The following GLYATL1 variants were observed in gnomAD, a reference collection of about 807,000 sequenced individuals.
The protein encoded by GLYATL1 is glycine-N-acyltransferase like 1.
Under a neutral mutation model 20.0 loss-of-function variants are expected in GLYATL1, and 15 were observed. The ratio of observed to expected loss-of-function variants is 0.75; its 90% confidence interval spans 0.50 to 1.15. The LOEUF (loss-of-function observed/expected upper bound fraction) is 1.15. Among genes scored for constraint, GLYATL1 ranks in the 50% most tolerant of loss-of-function variants. The pLI is 0.00. For missense variants in GLYATL1, 380 were observed against 368.5 expected, an observed-to-expected ratio of 1.03 and a Z score of -0.26; for synonymous variants, 151 against 131.5, an observed-to-expected ratio of 1.15 and a Z score of -1.01.
chr11:58,944,807 A>G (rs1856448465), intron 2 of GLYATL1, among the ~76,000 whole-genome samples: 2 of 152,092 alleles, frequency 1.3e-5, no homozygotes, highest in South Asian at 4.1e-4. Flanking sequence ...TTTAGTGGAC[A>G]TTAAACTTAT....
intron 1 of GLYATL1, among the ~76,000 whole-genome samples, chr11:58,914,094 G>C (rs1855112177): frequency 6.6e-6 from 1 of 152,142 alleles, no homozygotes; most frequent in Admixed American, 6.5e-5. Flanking sequence ...GAAACACAAG[G>C]TTTGGTTCTG....
upstream of GLYATL1, chr11:58,927,644 C>T (rs1855459624): frequency 6.6e-6 from 1 of 152,134 alleles, no homozygotes; most frequent in African/African-American, 2.4e-5. Flanking sequence ...TTTCTCACTG[C>T]TTGCTTGGCA....
chr11:58,939,846 G>C (rs1292451856), intron 1 of GLYATL1, among the ~76,000 whole-genome samples, 196 bp downstream of exon 1: 1 of 152,106 alleles, frequency 6.6e-6, no homozygotes, highest in Non-Finnish European at 1.5e-5. Flanking sequence ...GTCTTTTGTG[G>C]GTACTAGATA....
chr11:58,922,955 C>T (rs1855343264), upstream of GLYATL1, among the ~76,000 whole-genome samples: 1 of 152,200 alleles, frequency 6.6e-6, no homozygotes, highest in Non-Finnish European at 1.5e-5. Flanking sequence ...GAGAGTCATA[C>T]TATTTCACAG....
upstream of GLYATL1, among the ~76,000 whole-genome samples, chr11:58,936,515 T>C (rs942369053): frequency 2.0e-5 from 3 of 152,240 alleles, no homozygotes; most frequent in Non-Finnish European, 4.4e-5. Flanking sequence ...TCACAAAGGA[T>C]GAAGGAAGAA....
chr11:58,919,225 A>G (rs779749559), intron 1 of GLYATL1, among the ~76,000 whole-genome samples: 38 of 152,186 alleles, frequency 2.5e-4, no homozygotes, highest in Non-Finnish European at 2.2e-4. Flanking sequence ...GCTCACAGAG[A>G]TCACCTTTAA....
chr11:58,935,167 C>T (rs1347003606), upstream of GLYATL1: 1 of 152,622 alleles, frequency 6.6e-6, no homozygotes. Flanking sequence ...CTGGGGTAGA[C>T]CTGGCATGAG....
chr11:58,947,194 G>A, intron 3 of GLYATL1, 29 bp downstream of exon 3: 1 of 1,604,546 alleles, frequency 6.2e-7, no homozygotes, highest in Admixed American at 1.7e-5. Context: ...GTCAGGGTAT[G>A]GGAGTAGGGG....
intron 1 of GLYATL1, among the ~76,000 whole-genome samples, chr11:58,906,170 A>G (rs115198803): frequency 0.02 from 2,983 of 152,292 alleles, 52 homozygotes; most frequent in South Asian, 0.05. Context: ...CGGCAGGGGC[A>G]GTAGACAGAA....
intron 1 of GLYATL1, chr11:58,933,920 C>T (rs1055982866): frequency 6.6e-6 from 1 of 152,394 alleles, no homozygotes; most frequent in African/African-American, 2.4e-5. Flanking sequence ...AAGCCTGGAT[C>T]AACTGGGGTG....
intron 1 of GLYATL1, among the ~76,000 whole-genome samples, chr11:58,942,735 A>T (rs61889805): frequency 0.16 from 23,951 of 152,144 alleles, 2,058 homozygotes; most frequent in East Asian, 0.31. Context: ...AGTAATTTAA[A>T]TGTATTAGTC....
intron 1 of GLYATL1, among the ~76,000 whole-genome samples, chr11:58,942,351 G>C (rs1035121720): frequency 3.9e-5 from 6 of 152,242 alleles, no homozygotes; most frequent in African/African-American, 1.4e-4. Context: ...GTCCTCTTTA[G>C]AAACATCCTT....
At position 58,954,884 on chromosome 11, in the gene GLYATL1, CTCCAAA is replaced by C; in HGVS notation, c.307_312del (p.Ile103_Gln104del). On this transcript the variant is annotated inframe_deletion, in exon 5 of 7. Coordinates refer to ENST00000532726, the MANE Select transcript of GLYATL1 (RefSeq NM_001389712.2). The stretch of plus-strand genomic sequence containing the variant: ...TGAGATCGTAAACTGGAAACAGAGA[CTCCAAA>C]TCCAAGGTAACGAGTCTGAAGAAAT... The C allele has an allele frequency of 6.2e-7, 1 of 1,608,034 alleles. No homozygotes were observed. Among genetic ancestry groups the C allele is most frequent in the Non-Finnish European group, 8.5e-7 (1 of 1,178,422 alleles).
chr11:58,943,420 A>G, intron 1 of GLYATL1, 123 bp from the exon 2 acceptor site: 4 of 1,527,580 alleles, frequency 2.6e-6, no homozygotes, highest in Non-Finnish European at 3.5e-6. Context: ...CATTTTGACC[A>G]CGAGGCACCC....
chr11:58,915,180 A>G (rs780856637), intron 1 of GLYATL1, among the ~76,000 whole-genome samples: 46 of 152,172 alleles, frequency 3.0e-4, no homozygotes, highest in Non-Finnish European at 2.9e-4. Context: ...AATATCTCCA[A>G]ATATGCCTGC....
downstream of GLYATL1, among the ~76,000 whole-genome samples, chr11:58,911,450 T>C (rs1380746091): frequency 1.3e-5 from 2 of 152,238 alleles, no homozygotes; most frequent in African/African-American, 4.8e-5. Context: ...TCGCTACCAA[T>C]GTGTGAGAGT....
rs1181604545 is a variant in GLYATL1 at position 58,956,055 on chromosome 11, C to T, written c.*28C>T. 5 of 1,572,928 alleles carry T rather than the reference C, an allele frequency of 3.2e-6. No individual in the cohort carries two copies. Among genetic ancestry groups the T allele is most frequent in the Non-Finnish European group, 4.4e-6 (5 of 1,149,182 alleles). ...AATGAAGCTGCTTAGTAATCTCTGCCAAGCCATCTCTTAATATTAAAGCAG... is the reference window on the plus strand; with the variant it reads ...AATGAAGCTGCTTAGTAATCTCTGCTAAGCCATCTCTTAATATTAAAGCAG... On this transcript the variant is annotated 3_prime_UTR_variant, in exon 7 of 7. Coordinates refer to ENST00000532726, the MANE Select transcript of GLYATL1 (RefSeq NM_001389712.2).
chr11:58,950,877 A>G (rs1856943138), intron 4 of GLYATL1, among the ~76,000 whole-genome samples: 1 of 152,032 alleles, frequency 6.6e-6, no homozygotes, highest in Non-Finnish European at 1.5e-5. Context: ...ACCTGTTTAT[A>G]TTCTTTGACC....
intron 2 of GLYATL1, among the ~76,000 whole-genome samples, chr11:58,945,439 G>C (rs939706914): frequency 3.3e-5 from 5 of 152,156 alleles, no homozygotes; most frequent in African/African-American, 1.2e-4. Context: ...ATTGCAAGGG[G>C]ATGGAGTAGG....
Sources: allele counts gnomAD v4.1 joint callset (sites outside exome capture counted in the v4.1 genomes callset), GRCh38; gene constraint gnomAD v4.1.1; transcripts MANE v1.5; gene names NCBI Gene and HGNC (gene_info 2026-07-23, HGNC 2026-07-21).